RAD51B: variants seen among roughly 807,000 people sequenced by gnomAD.
RAD51B encodes the protein DNA repair protein RAD51 homolog 2.
A neutral mutation model predicts 42.2 loss-of-function variants in RAD51B; 38 were observed. The ratio of observed to expected loss-of-function variants is 0.90; its 90% CI spans 0.70 to 1.18. RAD51B has a LOEUF of 1.18. RAD51B is among the 50% of genes most tolerant of loss of function. The pLI is 0.00. For synonymous variants in RAD51B, 154 were observed against 145.2 expected (o/e 1.06, Z -0.43); for missense variants, 373 against 400.7 (o/e 0.93, Z 0.59).
intron 7 of RAD51B, among the ~76,000 whole-genome samples, chr14:68,268,920 G>A (rs2081046312): frequency 6.6e-6 from 1 of 152,158 alleles, no homozygotes; most frequent in Non-Finnish European, 1.5e-5. Context: ...TGGTGCCACT[G>A]CTACTGTTCA....
At chr14:68,394,059 C>T (rs567149610) in intron 8 of RAD51B, among the ~76,000 whole-genome samples, 1 of 152,194 alleles carries the variant, frequency 6.6e-6, no homozygotes, top group African/African-American at 2.4e-5. Context: ...CCTCTTTAGT[C>T]GGCAGGAGCA....
intron 7 of RAD51B, among the ~76,000 whole-genome samples, chr14:68,201,300 T>C (rs774587026): frequency 6.6e-5 from 10 of 152,222 alleles, no homozygotes; most frequent in Non-Finnish European, 1.0e-4. Flanking sequence ...GGTTTTATTT[T>C]TAAGTAAACA....
chr14:68,291,362 C>T (rs562840740), intron 7 of RAD51B, among the ~76,000 whole-genome samples: 2 of 151,800 alleles, frequency 1.3e-5, no homozygotes, highest in South Asian at 2.1e-4. Context: ...TGCCACCATG[C>T]CTGACTAATT....
intron 8 of RAD51B, among the ~76,000 whole-genome samples, chr14:68,299,501 A>G (rs1179887819): frequency 6.6e-6 from 1 of 152,220 alleles, no homozygotes; most frequent in African/African-American, 2.4e-5. Flanking sequence ...TATTTAAAGT[A>G]TCCAGGAGGA....
At chr14:68,142,965 C>T (rs1191512836) in intron 7 of RAD51B, among the ~76,000 whole-genome samples, 3 of 142,796 alleles carry the variant, frequency 2.1e-5, no homozygotes, top group African/African-American at 5.3e-5. Flanking sequence ...CCAGCCTGGG[C>T]GACAGAGCAA....
At chr14:68,350,131 T>C (rs1184326397) in intron 8 of RAD51B, among the ~76,000 whole-genome samples, 1 of 152,226 alleles carries the variant, frequency 6.6e-6, no homozygotes, top group Non-Finnish European at 1.5e-5. Flanking sequence ...TGTTCTCTTA[T>C]GAAATCATGT....
chr14:68,087,946 T>G (rs1218836621), intron 7 of RAD51B, among the ~76,000 whole-genome samples: 1 of 112,286 alleles, frequency 8.9e-6, no homozygotes, highest in African/African-American at 4.5e-5. Flanking sequence ...AATTTATTAT[T>G]ATATATAATT....
chr14:67,909,031 T>C (rs1230302594), intron 7 of RAD51B, among the ~76,000 whole-genome samples: 1 of 152,242 alleles, frequency 6.6e-6, no homozygotes, highest in African/African-American at 2.4e-5. Flanking sequence ...ATTGCTCATA[T>C]AGCTAATGGA....
chr14:68,350,871 C>T (rs756227856), intron 8 of RAD51B, among the ~76,000 whole-genome samples: 2 of 152,162 alleles, frequency 1.3e-5, no homozygotes, highest in South Asian at 4.1e-4. Flanking sequence ...TTTTGTGAAC[C>T]AGTGTAGCAG....
chr14:67,943,964 G>C (rs2045295040), intron 7 of RAD51B, among the ~76,000 whole-genome samples: 1 of 152,000 alleles, frequency 6.6e-6, no homozygotes, highest in South Asian at 2.1e-4. Context: ...ATAAAGTGAC[G>C]GATTCTGAAT....
intron 9 of RAD51B, among the ~76,000 whole-genome samples, chr14:68,414,859 T>TAAAA (rs33968049): frequency 5.6e-5 from 4 of 71,212 alleles, no homozygotes; most frequent in Admixed American, 1.7e-4. Flanking sequence ...CCATCTCTAC[T>TAAAA]AAAAAAAAAA....
intron 9 of RAD51B, among the ~76,000 whole-genome samples, chr14:68,428,745 AT>A: frequency 2.7e-5 from 1 of 36,720 alleles, no homozygotes; most frequent in Non-Finnish European, 5.7e-5. Context: ...ATATATATAT[AT>A]ATATATATAT....
chr14:68,059,078 A>C (rs1356875812), intron 7 of RAD51B, among the ~76,000 whole-genome samples: 1 of 152,094 alleles, frequency 6.6e-6, no homozygotes, highest in Non-Finnish European at 1.5e-5. Flanking sequence ...GTCCTCTTCC[A>C]GCAAGCTTAA....
In RAD51B at chr14:68,595,298, C is replaced by T. The variant is rs192899506; in HGVS notation, c.*695C>T. On this transcript the variant is annotated 3_prime_UTR_variant, in exon 11 of 11. Transcript: ENST00000487270. ...TTACCTTGCTAAAGGCATTTCGCTTCCTTTGCTGTTACAATAAGCTTGCCT... is the reference window on the plus strand; with the variant it reads ...TTACCTTGCTAAAGGCATTTCGCTTTCTTTGCTGTTACAATAAGCTTGCCT... The T allele has an allele frequency of 5.4e-3, 5,734 of 1,066,076 alleles. 23 individuals are homozygous for T. The highest frequency in any genetic ancestry group is 6.2e-3 in the Non-Finnish European group (5,492 of 879,656). The allele number at this position is 1,066,076 out of a possible 1,614,324, so 66.0% of individuals were successfully genotyped here.
intron 10 of RAD51B, chr14:68,541,413 AGT>A: frequency 1.0e-6 from 1 of 985,398 alleles, no homozygotes; most frequent in African/African-American, 1.7e-5. Flanking sequence ...GTCCTCACAG[AGT>A]GTGTCTGTGC....
intron 7 of RAD51B, among the ~76,000 whole-genome samples, chr14:67,993,353 C>G (rs2075327992): frequency 6.6e-6 from 1 of 152,110 alleles, no homozygotes; most frequent in Non-Finnish European, 1.5e-5. Context: ...GCTACACTCC[C>G]CAGCCTCTGG....
chr14:67,828,936 C>T (rs2140285754), intron 3 of RAD51B, among the ~76,000 whole-genome samples: 1 of 152,226 alleles, frequency 6.6e-6, no homozygotes, highest in African/African-American at 2.4e-5. Flanking sequence ...CAGCTTCATT[C>T]TTTTTGCTTT....
intron 7 of RAD51B, among the ~76,000 whole-genome samples, chr14:68,055,188 G>A (rs1348903234): frequency 6.6e-6 from 1 of 152,042 alleles, no homozygotes; most frequent in Non-Finnish European, 1.5e-5. Context: ...AAAAATGAAG[G>A]CATTGGTCTA....
At chr14:68,323,808 C>A (rs112325959) in intron 8 of RAD51B, among the ~76,000 whole-genome samples, 1 of 152,136 alleles carries the variant, frequency 6.6e-6, no homozygotes, top group Non-Finnish European at 1.5e-5. Flanking sequence ...CCCAGCCCTG[C>A]ATCAGAGAAA....
Sources: gnomAD v4.1 joint callset for allele counts (sites outside exome capture counted in the v4.1 genomes callset) on GRCh38, gnomAD v4.1.1 for gene constraint, MANE v1.5 for transcripts, NCBI Gene and HGNC (gene_info 2026-07-23, HGNC 2026-07-21) for gene names.